Variants in GABRA4 observed in about 807,000 individuals in gnomAD.
GABRA4 encodes the protein gamma-aminobutyric acid receptor subunit alpha-4.
A neutral mutation model predicts 49.7 loss-of-function variants in GABRA4; 12 were observed. The observed-to-expected ratio is 0.24, with a 90% CI of 0.15 to 0.39. The LOEUF is 0.39. Ranked by LOEUF, GABRA4 falls within the 10% of genes least tolerant of loss-of-function variation. The pLI, the probability that GABRA4 is intolerant of heterozygous loss-of-function variation, is 1.00. For missense variants in GABRA4, 506 were observed against 686.0 expected (o/e 0.74, Z 2.93); for synonymous variants, 288 against 240.2 (o/e 1.20, Z -1.84).
chr4:46,948,069 C>T (rs1398176), intron 8 of GABRA4, among the ~76,000 whole-genome samples: 23,291 of 152,096 alleles, frequency 0.15, 1,984 homozygotes, highest in South Asian at 0.25. Context: ...TTACCCCACA[C>T]TGGGCTGCAT....
chr4:46,990,013 A>T (rs182621585), intron 2 of GABRA4, among the ~76,000 whole-genome samples: 1 of 152,348 alleles, frequency 6.6e-6, no homozygotes, highest in Admixed American at 6.5e-5. Flanking sequence ...GCAGGTGAGA[A>T]TCACTATTTC....
chr4:46,981,914 T>C (rs995240277), intron 2 of GABRA4, among the ~76,000 whole-genome samples: 2 of 151,702 alleles, frequency 1.3e-5, no homozygotes, highest in African/African-American at 4.8e-5. Flanking sequence ...GAGGACAAGA[T>C]CAAAGACCGG....
intron 5 of GABRA4, among the ~76,000 whole-genome samples, chr4:46,975,019 C>A (rs1206272971): frequency 6.6e-6 from 1 of 151,920 alleles, no homozygotes; most frequent in Non-Finnish European, 1.5e-5. Flanking sequence ...CAGGACATTT[C>A]CCCTTACATC....
At chr4:46,988,780 T>TA (rs944786048) in intron 2 of GABRA4, among the ~76,000 whole-genome samples, 1 of 152,192 alleles carries the variant, frequency 6.6e-6, no homozygotes, top group Non-Finnish European at 1.5e-5. Context: ...TGACTCTTGA[T>TA]AAACAGGGCA....
intron 8 of GABRA4, among the ~76,000 whole-genome samples, chr4:46,959,572 A>G (rs1722490796): frequency 6.6e-6 from 1 of 151,788 alleles, no homozygotes; most frequent in Non-Finnish European, 1.5e-5. Flanking sequence ...AATGAGCTCA[A>G]CCAACCATTT....
At chr4:46,983,442 G>T (rs115762610) in intron 2 of GABRA4, among the ~76,000 whole-genome samples, 1 of 152,020 alleles carries the variant, frequency 6.6e-6, no homozygotes, top group Non-Finnish European at 1.5e-5. Flanking sequence ...CATATTAGGC[G>T]TTGAATAACT....
intron 8 of GABRA4, among the ~76,000 whole-genome samples, chr4:46,954,622 C>A (rs1370614791): frequency 2.0e-5 from 3 of 150,770 alleles, no homozygotes; most frequent in Non-Finnish European, 4.4e-5. Flanking sequence ...TGAGTTTGTA[C>A]TAATACAGAC....
intron 8 of GABRA4, among the ~76,000 whole-genome samples, chr4:46,934,829 G>A (rs1721554991): frequency 1.3e-5 from 2 of 152,230 alleles, no homozygotes; most frequent in East Asian, 1.9e-4. Context: ...GGAGGAAACC[G>A]CTTTGTTAGA....
At chr4:46,974,411 C>T (rs746177057) in intron 5 of GABRA4, 36 bp from the exon 6 acceptor site, 8 of 1,579,838 alleles carry the variant, frequency 5.1e-6, no homozygotes, top group Non-Finnish European at 6.9e-6. Flanking sequence ...AGAGTCAATG[C>T]TCCTTTTTCA....
At chr4:46,939,685 T>C (rs913413357) in intron 8 of GABRA4, among the ~76,000 whole-genome samples, 1 of 151,996 alleles carries the variant, frequency 6.6e-6, no homozygotes, top group African/African-American at 2.4e-5. Flanking sequence ...CAATAACCCC[T>C]AAGTGATCTT....
chr4:46,963,089 A>G (rs1722636925), intron 8 of GABRA4, among the ~76,000 whole-genome samples: 1 of 151,852 alleles, frequency 6.6e-6, no homozygotes, highest in Non-Finnish European at 1.5e-5. Context: ...ACCACAATGG[A>G]CAGAAGGGAT....
Position 46,977,063 on chromosome 4 carries a change from C to G in GABRA4, c.575G>C (p.Ser192Thr). 6.3e-7 allele frequency: 1 copy of G among 1,595,358 alleles called. No individual in the cohort carries two copies. ...DGHACPLKFGSYAYPKSEMIY... is the reference protein window; with the variant it reads ...DGHACPLKFGTYAYPKSEMIY... ...GCAAAATTTTTATTATAACTTACAA[C>G]TCCCGAATTTCAAAGGGCATGCATG... is the stretch of plus-strand genomic sequence containing the variant. Residue 192 changes from serine (S) to threonine (T), a missense_variant and splice_region_variant, in exon 5 of 9, where the codon AGT (serine) becomes ACT (threonine). This residue lies in a region of GABRA4 where 195 missense variants were observed against 326.0 expected (regional missense o/e 0.60). Transcript: ENST00000264318.
At chr4:46,976,414 C>A (rs1723142265) in intron 5 of GABRA4, among the ~76,000 whole-genome samples, 1 of 135,400 alleles carries the variant, frequency 7.4e-6, no homozygotes, top group Admixed American at 7.4e-5. Context: ...AAGAAAGCTA[C>A]ACTGTTTTGT....
intron 2 of GABRA4, among the ~76,000 whole-genome samples, chr4:46,980,082 T>G (rs895492490): frequency 2.6e-5 from 4 of 152,096 alleles, no homozygotes; most frequent in African/African-American, 9.7e-5. Context: ...CATATCCTCA[T>G]AGGTAAAGAT....
Position 46,980,363 on chromosome 4 carries a change from C to T in GABRA4, c.206-1265G>A, listed in dbSNP as rs546696161. Among the ~76,000 whole-genome samples, 142 of 122,894 alleles carry T rather than the reference C, an allele frequency of 1.2e-3. 1 individual carries two copies. The highest frequency in any genetic ancestry group is 3.5e-3 in the South Asian group (13 of 3,748). The allele number at this position is 122,894 out of a possible 152,430, so 80.6% of individuals were successfully genotyped here. On this transcript the variant is annotated intron_variant, in intron 2 of 8. Coordinates refer to ENST00000264318, the MANE Select transcript of GABRA4 (RefSeq NM_000809.4). ...CACTTGGATTCTTGCTTGGGAAATG[C>T]GATTTATGCCAAAAAAAAAAAAAAA...
chr4:46,969,383 AAG>A (rs1216997914), intron 7 of GABRA4, among the ~76,000 whole-genome samples: 3 of 151,588 alleles, frequency 2.0e-5, no homozygotes, highest in Non-Finnish European at 4.4e-5. Flanking sequence ...GAAAAAAGTT[AAG>A]AGACTTTGGA....
At position 46,920,678 on chromosome 4, in the gene GABRA4, A is replaced by T. The variant is rs1258208680; in HGVS notation, c.*7547T>A. The T allele has an allele frequency of 6.6e-6, 1 of 151,706 alleles. No individual in the cohort carries two copies. Among genetic ancestry groups the T allele is most frequent in the Non-Finnish European group, 1.5e-5 (1 of 67,712 alleles). 9.4% of individuals were successfully genotyped at this position (151,706 alleles called of 1,614,324 possible). On this transcript the variant is annotated 3_prime_UTR_variant, in exon 9 of 9. Transcript: ENST00000264318. The stretch of plus-strand genomic sequence containing the variant: ...TCTGATCACACACACTCACACCAAA[A>T]TTCCAATGTATTACAGGGAGGTATT...
intron 2 of GABRA4, chr4:46,992,613 G>A (rs1045427401): frequency 2.6e-5 from 15 of 571,488 alleles, no homozygotes; most frequent in South Asian, 6.7e-5. Context: ...TTAGTGTGGG[G>A]GAGAGGCAAA....
intron 2 of GABRA4, among the ~76,000 whole-genome samples, chr4:46,984,051 T>C (rs1328844277): frequency 6.6e-6 from 1 of 151,968 alleles, no homozygotes; most frequent in Non-Finnish European, 1.5e-5. Context: ...AATTTCCCAG[T>C]TTACTTAACT....
Sources: allele counts gnomAD v4.1 joint callset (sites outside exome capture counted in the v4.1 genomes callset), GRCh38; gene constraint gnomAD v4.1.1; regional missense constraint gnomAD v4.1.1; transcripts MANE v1.5; gene names NCBI Gene and HGNC (gene_info 2026-07-23, HGNC 2026-07-21).